Variants in HCFC1R1 observed in about 807,000 individuals in gnomAD.
HCFC1R1 encodes host cell factor C1 regulator 1.
In HCFC1R1, 17 loss-of-function variants were observed where a neutral mutation model predicts 13.3. That is an observed-to-expected ratio of 1.28 (90% CI 0.87 to 1.91). The LOEUF (loss-of-function observed/expected upper bound fraction) is 1.91, where lower values mean the gene tolerates loss of function less well. HCFC1R1 is among the 40% of genes most tolerant of loss of function. The probability of loss-of-function intolerance (pLI) is 0.00; values close to 1 mark genes in which losing one functional copy is unlikely to be tolerated. For synonymous variants in HCFC1R1, 87 were observed against 71.1 expected (o/e 1.22, Z -1.12); for missense variants, 218 against 177.9 (o/e 1.23, Z -1.28).
intron 2 of HCFC1R1, 39 bp from the exon 3 acceptor site, chr16:3,023,400 C>T: frequency 6.2e-7 from 1 of 1,613,444 alleles, no homozygotes. Flanking sequence ...GGGATACTGA[C>T]ACAGGAGGCA....
intron 3 of HCFC1R1, 68 bp from the exon 4 acceptor site, chr16:3,023,066 C>G: frequency 6.4e-7 from 1 of 1,553,794 alleles, no homozygotes; most frequent in Non-Finnish European, 8.7e-7. Context: ...CCCACCAGGT[C>G]CAGGTCCCCA....
In HCFC1R1 at chr16:3,023,249, C is replaced by A. The variant is rs773985831; in HGVS notation, c.265G>T (p.Ala89Ser). 6.4e-7 allele frequency: 1 copy of A among 1,559,238 alleles called. No homozygotes were observed. Among genetic ancestry groups the A allele is most frequent in the Non-Finnish European group, 8.7e-7 (1 of 1,151,132 alleles). Reference protein sequence around the residue: ...YCSPPMTFSPALPPLRSPCSE... With the variant: ...YCSPPMTFSPSLPPLRSPCSE... ...GGAACCTACCTGAGTGGGGGCAGGGCTGGGGAGAAGGTCATGGGGGGGCTG... is the reference window on the plus strand; with the variant it reads ...GGAACCTACCTGAGTGGGGGCAGGGATGGGGAGAAGGTCATGGGGGGGCTG... The change falls in exon 3 of 4, where the codon GCC becomes TCC. Residue 89 changes from alanine to serine, a missense_variant. Coordinates refer to ENST00000248089, the MANE Select transcript of HCFC1R1 (RefSeq NM_017885.4).
chr16:3,023,272 C>A lies in HCFC1R1; in HGVS notation c.242G>T (p.Ser81Ile). 6.3e-7 allele frequency: 1 copy of A among 1,575,004 alleles called. No homozygotes were observed. Among genetic ancestry groups the A allele is most frequent in the Non-Finnish European group, 8.6e-7 (1 of 1,157,906 alleles). Reference protein sequence around the residue: ...LSLHNDHPYCSPPMTFSPALP... With the variant: ...LSLHNDHPYCIPPMTFSPALP... Reference sequence around the variant, plus strand: ...GGCTGGGGAGAAGGTCATGGGGGGGCTGCAGTAGGGGTGGTCATTGTGCAG... The same window carrying A: ...GGCTGGGGAGAAGGTCATGGGGGGGATGCAGTAGGGGTGGTCATTGTGCAG... Residue 81 changes from serine to isoleucine, a missense_variant, in exon 3 of 4, where the codon AGC (serine) becomes ATC (isoleucine). Ser to Ile is a moderately radical substitution (Grantham distance 142). Transcript: ENST00000248089.
intron 1 of HCFC1R1, 53 bp from the exon 2 acceptor site, chr16:3,023,583 G>A (rs528377307): frequency 1.9e-5 from 28 of 1,505,858 alleles, no homozygotes; most frequent in Non-Finnish European, 2.4e-5. Flanking sequence ...CCTTCCCAAG[G>A]ATCTGCCCGC....
Position 3,023,247 on chromosome 16 carries a change from G to A in HCFC1R1, c.267C>T (p.Ala89=), listed in dbSNP as rs770556563. The part of the protein sequence containing the change: ...YCSPPMTFSP[A]LPPLRSPCSE... ...GAGGAACCTACCTGAGTGGGGGCAG[G>A]GCTGGGGAGAAGGTCATGGGGGGGC... The change falls in exon 3 of 4, where the codon GCC becomes GCT. Residue 89 remains alanine, a synonymous_variant. Coordinates refer to ENST00000248089, the MANE Select transcript of HCFC1R1 (RefSeq NM_017885.4). 6.4e-7 allele frequency: 1 copy of A among 1,560,918 alleles called. No homozygotes were observed. The highest frequency in any genetic ancestry group is 1.2e-5 in the South Asian group (1 of 82,640).
intron 2 of HCFC1R1, 46 bp downstream of exon 2, chr16:3,023,428 G>A: frequency 1.2e-6 from 2 of 1,613,980 alleles, no homozygotes; most frequent in Non-Finnish European, 1.7e-6. Context: ...GGGGACCAGA[G>A]GTGACAGAGA....
intron 2 of HCFC1R1, 54 bp from the exon 3 acceptor site, chr16:3,023,415 G>T: frequency 6.2e-7 from 1 of 1,613,884 alleles, no homozygotes; most frequent in Admixed American, 1.7e-5. Context: ...GAGGCAGCCT[G>T]TTGGGGACCA....
Position 3,023,827 on chromosome 16 carries a change from C to A in HCFC1R1, c.95+20G>T, listed in dbSNP as rs1352640748. ...CTCCTGCGGCCCTTGGTCAGGCCCA[C>A]CCTGGTCCCCTACACGCACCTGGCG... On this transcript the variant is annotated intron_variant, in intron 1 of 3. Transcript: ENST00000248089. The A allele has an allele frequency of 2.0e-6, 3 of 1,528,456 alleles. No homozygotes were observed. The highest frequency in any genetic ancestry group is 2.6e-6 in the Non-Finnish European group (3 of 1,139,444). The allele number at this position is 1,528,456 out of a possible 1,614,324, so 94.7% of individuals were successfully genotyped here. A position where few individuals can be genotyped will look rare whatever the true frequency, so the allele number is the denominator to read the frequency against.
chr16:3,023,754 C>T (rs958033798), intron 1 of HCFC1R1, 93 bp downstream of exon 1: 1 of 1,149,240 alleles, frequency 8.7e-7, no homozygotes, highest in Admixed American at 2.2e-5. Context: ...GCCGATTCGC[C>T]CCACCCCGTA....
intron 3 of HCFC1R1, 88 bp downstream of exon 3, chr16:3,023,145 T>TA: frequency 6.6e-7 from 1 of 1,505,688 alleles, no homozygotes; most frequent in Non-Finnish European, 9.0e-7. Context: ...CAGCTAGAGC[T>TA]AAAAATGGCA....
At chr16:3,023,084 C>A in intron 3 of HCFC1R1, 86 bp from the exon 4 acceptor site, 1 of 1,541,522 alleles carries the variant, frequency 6.5e-7, no homozygotes. Context: ...CCAGGGGCTC[C>A]TGGGTTCCCA....
At chr16:3,024,067 C>G (rs1470244172), upstream of HCFC1R1, 1 of 827,058 alleles carries the variant, frequency 1.2e-6, no homozygotes, top group African/African-American at 1.7e-5. Flanking sequence ...GCGCGGAAGA[C>G]GGGCGGCGCG....
Position 3,022,944 on chromosome 16 carries a change from C to G in HCFC1R1, c.336G>C (p.Glu112Asp). The G allele has an allele frequency of 6.3e-7, 1 of 1,580,038 alleles. No homozygotes were observed. The highest frequency in any genetic ancestry group is 1.2e-5 in the South Asian group (1 of 85,876). ...LWRYPGSLIP[E>D]ALRLLRLGDT... ...CCCCCAGCCTCAGCAGACGGAGGGC[C>G]TCAGGGATGAGGCTGCCAGGATAGC... The change falls in exon 4 of 4, where the codon GAG (glutamate) becomes GAC (aspartate). Residue 112 changes from glutamate (E) to aspartate (D), a missense_variant. By Grantham distance (45) the Glu-to-Asp change is conservative. Transcript: ENST00000248089.
chr16:3,022,963 G>A lies in HCFC1R1; in HGVS notation c.317C>T (p.Pro106Leu), dbSNP rs367783407. The change falls in exon 4 of 4, where the codon CCT becomes CTT. Residue 106 changes from proline (P) to leucine (L), a missense_variant. Pro to Leu is a moderately conservative substitution (Grantham distance 98). Transcript: ENST00000248089. ...GAGGGCCTCAGGGATGAGGCTGCCA[G>A]GATAGCGCCAGAGAAGCAGCTCAGA... ...PCSELLLWRY[P>L]GSLIPEALRL... is the part of the protein sequence containing the mutation. The A allele has an allele frequency of 2.6e-5, 42 of 1,591,966 alleles. No homozygotes were observed. In the African/African-American group the frequency reaches 5.5e-4, roughly 21 times the overall value.
rs562186380 is a variant in HCFC1R1 at position 3,022,999 on chromosome 16, C to G, written c.282-1G>C. ...GAGAAGCAGCTCAGAGCAAGGGCTC[C>G]TAGAAGAGGAAATGACTGTCAGGGC... On this transcript the variant is annotated splice_acceptor_variant, in intron 3 of 3. Transcript: ENST00000248089. LOFTEE classifies it high-confidence loss of function. The G allele has an allele frequency of 1.3e-6, 2 of 1,597,512 alleles. No individual in the cohort carries two copies. Among genetic ancestry groups the G allele is most frequent in the Admixed American group, 1.8e-5 (1 of 55,220 alleles).
In HCFC1R1 at chr16:3,022,980, C is replaced by T. The variant is rs1417187947; in HGVS notation, c.300G>A (p.Leu100=). 4 of 1,594,788 alleles carry T rather than the reference C, an allele frequency of 2.5e-6. No individual in the cohort carries two copies. The highest frequency in any genetic ancestry group is 1.8e-5 in the Admixed American group (1 of 54,608). The change falls in exon 4 of 4, where the codon CTG becomes CTA. Residue 100 remains leucine (L), a synonymous_variant. Transcript: ENST00000248089. The part of the protein sequence containing the change: ...LPPLRSPCSE[L]LLWRYPGSLI... ...GGCTGCCAGGATAGCGCCAGAGAAG[C>T]AGCTCAGAGCAAGGGCTCCTAGAAG...
At chr16:3,023,151 T>C in intron 3 of HCFC1R1, 82 bp downstream of exon 3, 2 of 1,503,242 alleles carry the variant, frequency 1.3e-6, no homozygotes, top group Non-Finnish European at 1.8e-6. Flanking sequence ...GAGCTAAAAA[T>C]GGCACGATGA....
chr16:3,022,735 G>C lies in HCFC1R1; in HGVS notation c.*128C>G. 1 of 822,248 alleles carries C rather than the reference G, an allele frequency of 1.2e-6. No individual in the cohort carries two copies. 50.9% of individuals were successfully genotyped at this position (822,248 alleles called of 1,614,324 possible). ...TCCGTTGGGCTCAGTGTCCTCTGTT[G>C]AGGGAAGGTCTTGGTGCCCAGATGC... On this transcript the variant is annotated 3_prime_UTR_variant, in exon 4 of 4. Transcript: ENST00000248089.
chr16:3,022,913 G>T lies in HCFC1R1; in HGVS notation c.367C>A (p.Pro123Thr). 1 of 1,563,590 alleles carries T rather than the reference G, an allele frequency of 6.4e-7. No individual in the cohort carries two copies. The highest frequency in any genetic ancestry group is 8.6e-7 in the Non-Finnish European group (1 of 1,165,042). Residue 123 changes from proline to threonine, a missense_variant, in exon 4 of 4, where the codon CCC (proline) becomes ACC (threonine). Coordinates refer to ENST00000248089, the MANE Select transcript of HCFC1R1 (RefSeq NM_017885.4). The stretch of plus-strand genomic sequence containing the variant: ...GGGGTTGCAGGGTAGGGGGGACTGG[G>T]GGTGTCCCCCAGCCTCAGCAGACGG... ...ALRLLRLGDT[P>T]SPPYPATPAG...
Sources: gnomAD v4.1 joint callset for allele counts on GRCh38, gnomAD v4.1.1 for gene constraint, MANE v1.5 for transcripts, NCBI Gene and HGNC (gene_info 2026-07-23, HGNC 2026-07-21) for gene names.